Variants in FMN1 observed in about 807,000 individuals in gnomAD.
FMN1 encodes formin-1.
In FMN1, 110 loss-of-function variants were observed where a neutral mutation model predicts 132.4. The observed-to-expected ratio is 0.83, with a 90% CI of 0.71 to 0.97. FMN1 has a LOEUF of 0.97. Among genes scored for constraint, FMN1 ranks in the 50% least tolerant of loss-of-function variants. FMN1 has a pLI of 0.00. For synonymous variants in FMN1, 722 were observed against 651.7 expected (o/e 1.11, Z -1.64); for missense variants, 1,792 against 1,705.3 (o/e 1.05, Z -0.90).
Position 32,900,038 on chromosome 15 carries a change from C to G in FMN1, c.3595G>C (p.Gly1199Arg). ...TCTAAGCTATATCCATCGGCTTGTC[C>G]CCGAGTCCTATTTCCTCCATTCATA... ...NYMNGGNRTR[G>R]QADGYSLEIL... Residue 1199 changes from glycine (G) to arginine (R), a missense_variant, in exon 14 of 21, where the codon GGA (glycine) becomes CGA (arginine). Transcript: ENST00000616417. 6.2e-7 allele frequency: 1 copy of G among 1,613,854 alleles called. No individual in the cohort carries two copies. The highest frequency in any genetic ancestry group is 8.5e-7 in the Non-Finnish European group (1 of 1,179,848).
intron 15 of FMN1, among the ~76,000 whole-genome samples, chr15:32,898,617 G>A (rs148225346): frequency 3.9e-4 from 60 of 152,238 alleles, no homozygotes; most frequent in African/African-American, 1.4e-3. Context: ...TGTTATAGTC[G>A]ATTGAGACTC....
intron 19 of FMN1, among the ~76,000 whole-genome samples, chr15:32,790,829 G>T (rs1222410986): frequency 6.6e-6 from 1 of 152,192 alleles, no homozygotes; most frequent in Admixed American, 6.5e-5. Flanking sequence ...ACACAGCAAA[G>T]AACAGGCTTG....
chr15:32,934,661 C>A (rs141907771), intron 9 of FMN1, among the ~76,000 whole-genome samples: 1,545 of 145,718 alleles, frequency 0.011, 26 homozygotes, highest in African/African-American at 0.038. Context: ...GGCTGGAGTG[C>A]AATGGCGCAA....
chr15:32,861,538 T>A (rs180849238), intron 16 of FMN1, among the ~76,000 whole-genome samples: 33 of 152,336 alleles, frequency 2.2e-4, no homozygotes, highest in African/African-American at 7.7e-4. Flanking sequence ...ATATGATATT[T>A]AAGATAATAC....
At chr15:33,077,619 G>C (rs901487187) in intron 5 of FMN1, among the ~76,000 whole-genome samples, 1 of 151,516 alleles carries the variant, frequency 6.6e-6, no homozygotes, top group Non-Finnish European at 1.5e-5. Context: ...GCAGTGTTTG[G>C]TTTTTTTCTC....
chr15:33,102,938 G>A (rs1474014374), intron 4 of FMN1, among the ~76,000 whole-genome samples: 1 of 151,966 alleles, frequency 6.6e-6, no homozygotes, highest in African/African-American at 2.4e-5. Flanking sequence ...TTATTTTCAT[G>A]GCAATCTGAT....
chr15:32,949,277 A>G (rs1384770269), intron 9 of FMN1, among the ~76,000 whole-genome samples: 1 of 152,150 alleles, frequency 6.6e-6, no homozygotes, highest in Non-Finnish European at 1.5e-5. Flanking sequence ...GCATCACACT[A>G]CCTGACTTCA....
chr15:33,134,335 C>T (rs1170064414), intron 4 of FMN1, among the ~76,000 whole-genome samples: 1 of 152,100 alleles, frequency 6.6e-6, no homozygotes, highest in African/African-American at 2.4e-5. Context: ...ACTGGATGGC[C>T]CAGGGATGTC....
At chr15:33,049,075 T>A (rs1322436916) in intron 6 of FMN1, among the ~76,000 whole-genome samples, 1 of 152,182 alleles carries the variant, frequency 6.6e-6, no homozygotes, top group Non-Finnish European at 1.5e-5. Flanking sequence ...TTGTGGAAGG[T>A]TTGTGAAAAA....
intron 10 of FMN1, among the ~76,000 whole-genome samples, chr15:32,919,321 C>G (rs2060763421): frequency 6.6e-6 from 1 of 152,180 alleles, no homozygotes; most frequent in African/African-American, 2.4e-5. Context: ...GTTGCTAGTA[C>G]AAACTCTTCA....
chr15:32,786,033 A>G (rs567641110), intron 19 of FMN1, among the ~76,000 whole-genome samples: 2 of 152,324 alleles, frequency 1.3e-5, no homozygotes, highest in South Asian at 4.1e-4. Context: ...CTGTGTGCCA[A>G]CAGGTAATGT....
chr15:33,061,148 T>C (rs546349392), intron 6 of FMN1, among the ~76,000 whole-genome samples: 1 of 152,276 alleles, frequency 6.6e-6, no homozygotes, highest in South Asian at 2.1e-4. Context: ...CTATCATTGC[T>C]AGATTTTAAA....
chr15:33,131,190 G>T (rs963895405), intron 4 of FMN1, among the ~76,000 whole-genome samples: 19 of 152,038 alleles, frequency 1.2e-4, no homozygotes, highest in African/African-American at 4.3e-4. Flanking sequence ...TTAGCTAGGT[G>T]TGGTGGTGGA....
intron 7 of FMN1, among the ~76,000 whole-genome samples, chr15:32,990,719 C>T (rs1234764498): frequency 1.3e-5 from 2 of 152,198 alleles, no homozygotes; most frequent in South Asian, 2.1e-4. Context: ...GAGGTTTAAC[C>T]GACTCACAGT....
chr15:32,918,363 T>C (rs1449263836), intron 10 of FMN1, among the ~76,000 whole-genome samples: 1 of 152,152 alleles, frequency 6.6e-6, no homozygotes, highest in East Asian at 1.9e-4. Flanking sequence ...AATTGCTAAA[T>C]GCCTGCTATT....
At chr15:33,163,372 G>A (rs1014344934) in intron 3 of FMN1, among the ~76,000 whole-genome samples, 10 of 150,458 alleles carry the variant, frequency 6.6e-5, no homozygotes, top group South Asian at 4.2e-4. Context: ...TCGGCTCACC[G>A]CAACCTCTGC....
chr15:33,168,484 G>A (rs1965195782), intron 3 of FMN1, among the ~76,000 whole-genome samples: 2 of 152,172 alleles, frequency 1.3e-5, no homozygotes, highest in South Asian at 4.1e-4. Context: ...TAGTGCTCAT[G>A]GTTTAAGGTT....
intron 7 of FMN1, among the ~76,000 whole-genome samples, chr15:32,987,572 A>G (rs1322336066): frequency 6.6e-6 from 1 of 152,180 alleles, no homozygotes; most frequent in African/African-American, 2.4e-5. Flanking sequence ...TTGAAAGAAA[A>G]AAACTTTGAT....
chr15:32,948,638 T>G (rs890979137), intron 9 of FMN1, among the ~76,000 whole-genome samples: 7 of 152,048 alleles, frequency 4.6e-5, no homozygotes, highest in Non-Finnish European at 8.8e-5. Context: ...TTCATATTAT[T>G]TTCATTTATT....
Sources: allele counts gnomAD v4.1 joint callset (sites outside exome capture counted in the v4.1 genomes callset), GRCh38; gene constraint gnomAD v4.1.1; transcripts MANE v1.5; gene names NCBI Gene and HGNC (gene_info 2026-07-23, HGNC 2026-07-21).